The following ULK4 variants were observed in gnomAD, a reference collection of about 807,000 sequenced individuals.
ULK4 encodes the protein inactive serine/threonine-protein kinase ULK4.
ULK4 carries 133 observed loss-of-function variants against 160.6 expected under a neutral mutation model. The ratio of observed to expected loss-of-function variants is 0.83; its 90% confidence interval spans 0.72 to 0.96. The LOEUF is 0.96. Among genes scored for constraint, ULK4 ranks in the 40% least tolerant of loss-of-function variants. ULK4 has a pLI of 0.00. For synonymous variants in ULK4, 534 were observed against 539.8 expected (o/e 0.99, Z 0.15); for missense variants, 1,580 against 1,499.5 (o/e 1.05, Z -0.89).
intron 27 of ULK4, among the ~76,000 whole-genome samples, chr3:41,689,464 T>A (rs1016275232): frequency 6.6e-6 from 1 of 152,182 alleles, no homozygotes; most frequent in Non-Finnish European, 1.5e-5. Flanking sequence ...TTAACTTTTC[T>A]CTGCACAGCA....
intron 22 of ULK4, among the ~76,000 whole-genome samples, chr3:41,722,406 A>T (rs1047110039): frequency 3.9e-5 from 6 of 152,190 alleles, no homozygotes; most frequent in African/African-American, 1.4e-4. Flanking sequence ...TGGCGGGTGG[A>T]TCACCTGAGG....
At chr3:41,357,404 T>C (rs1222648967) in intron 35 of ULK4, among the ~76,000 whole-genome samples, 1 of 151,914 alleles carries the variant, frequency 6.6e-6, no homozygotes, top group Non-Finnish European at 1.5e-5. Context: ...GCGTGTGGGG[T>C]AGAACGCTCT....
chr3:41,881,497 TAC>T (rs1559626390), intron 17 of ULK4, among the ~76,000 whole-genome samples: 3 of 152,144 alleles, frequency 2.0e-5, no homozygotes, highest in African/African-American at 4.8e-5. Flanking sequence ...CAAAAGTAAT[TAC>T]AGTTTTTGCC....
chr3:41,627,482 TC>T (rs1398207306), intron 30 of ULK4, among the ~76,000 whole-genome samples: 2 of 152,224 alleles, frequency 1.3e-5, no homozygotes, highest in African/African-American at 4.8e-5. Context: ...TGAGCCCCCA[TC>T]CGGCAAGGAC....
intron 31 of ULK4, among the ~76,000 whole-genome samples, chr3:41,607,987 A>G (rs1321473842): frequency 6.6e-6 from 1 of 152,222 alleles, no homozygotes; most frequent in Non-Finnish European, 1.5e-5. Context: ...ATGAGAGACC[A>G]CCACATGCTA....
In ULK4 at chr3:41,623,435, T is replaced by C. The variant is rs567041772; in HGVS notation, c.3072-7718A>G. ...GTGATTACTATTCATTGCAGCATTA[T>C]CCATAATAGACAAGATACGGAAACA... is the stretch of plus-strand genomic sequence containing the variant. On this transcript the variant is annotated intron_variant, in intron 30 of 36. Coordinates refer to ENST00000301831, the MANE Select transcript of ULK4 (RefSeq NM_017886.4). Among the ~76,000 whole-genome samples, 12 of 152,240 alleles carry C rather than the reference T, an allele frequency of 7.9e-5. No homozygotes were observed. The South Asian group carries it at 2.3e-3, about 29-fold the overall frequency.
chr3:41,824,730 C>T (rs2041282624), intron 18 of ULK4, among the ~76,000 whole-genome samples: 1 of 152,180 alleles, frequency 6.6e-6, no homozygotes, highest in South Asian at 2.1e-4. Flanking sequence ...GTAGACTCCA[C>T]CTCTGGGGGC....
intron 17 of ULK4, among the ~76,000 whole-genome samples, chr3:41,863,918 G>A (rs1249508442): frequency 6.6e-6 from 1 of 151,844 alleles, no homozygotes; most frequent in Non-Finnish European, 1.5e-5. Context: ...GGTTGGGGGA[G>A]GAATGAAGCC....
intron 34 of ULK4, among the ~76,000 whole-genome samples, chr3:41,424,481 C>A (rs949808392): frequency 6.6e-6 from 1 of 152,168 alleles, no homozygotes; most frequent in Admixed American, 6.5e-5. Flanking sequence ...GAGCCCCCAA[C>A]AGAGGTTGCC....
At chr3:41,504,854 T>A (rs1337263290) in intron 32 of ULK4, among the ~76,000 whole-genome samples, 1 of 152,220 alleles carries the variant, frequency 6.6e-6, no homozygotes. Flanking sequence ...ACTAGAGTTG[T>A]TGCTTTTTAT....
Position 41,614,150 on chromosome 3 carries a change from G to GT in ULK4, c.3120+1518dup, listed in dbSNP as rs533259217. ...CCTTGAGATGATTGCCGAAGATAAG[G>GT]TAAGAACTTTCTGTCAGCCACAAAA... On this transcript the variant is annotated intron_variant, in intron 31 of 36. Transcript: ENST00000301831. 1.7e-3 allele frequency among the ~76,000 whole-genome samples: 262 copies of GT among 152,318 alleles called. 2 individuals carry two copies. Among genetic ancestry groups the GT allele is most frequent in the Non-Finnish European group, 2.9e-3 (197 of 68,028 alleles).
rs533000399 is a variant in ULK4, at chr3:41,573,253, T to G, written c.3121-7123A>C. On this transcript the variant is annotated intron_variant, in intron 31 of 36. Transcript: ENST00000301831. The stretch of plus-strand genomic sequence containing the variant: ...CAGGAGAGCACTGGACCCTGAAGAA[T>G]CAGCCTTCTCAAAACTAATTGCTTC... Among the ~76,000 whole-genome samples, 2 of 152,340 alleles carry G rather than the reference T, an allele frequency of 1.3e-5. 1 individual carries two copies. The highest frequency in any genetic ancestry group is 4.8e-5 in the African/African-American group (2 of 41,586).
At chr3:41,290,539 A>G (rs891528910) in intron 35 of ULK4, among the ~76,000 whole-genome samples, 4 of 152,040 alleles carry the variant, frequency 2.6e-5, no homozygotes, top group African/African-American at 9.7e-5. Context: ...CCACCCCTCA[A>G]TGATCCCTTT....
chr3:41,394,832 T>A (rs997868303), intron 35 of ULK4, among the ~76,000 whole-genome samples: 2 of 152,012 alleles, frequency 1.3e-5, no homozygotes, highest in Non-Finnish European at 2.9e-5. Flanking sequence ...TGACCCAGGG[T>A]AAACTAGAAA....
chr3:41,868,229 A>G (rs540746321), intron 17 of ULK4, among the ~76,000 whole-genome samples: 1 of 152,266 alleles, frequency 6.6e-6, no homozygotes, highest in Admixed American at 6.5e-5. Flanking sequence ...AAATTCTTTT[A>G]GTTCTGTCAA....
chr3:41,415,257 A>G (rs2029254), intron 34 of ULK4, among the ~76,000 whole-genome samples: 86,801 of 152,048 alleles, frequency 0.57, 26,330 homozygotes, highest in African/African-American at 0.8. Flanking sequence ...TGAGTTCTGT[A>G]GAAAAGCTCT....
chr3:41,264,534 T>A (rs1446073122), intron 35 of ULK4, among the ~76,000 whole-genome samples: 4 of 152,066 alleles, frequency 2.6e-5, no homozygotes, highest in Non-Finnish European at 5.9e-5. Context: ...GCTGAAATAG[T>A]CCCATTCTGA....
chr3:41,615,852 CTTT>C (rs2032936748), intron 30 of ULK4, 135 bp from the exon 31 acceptor site: 2 of 790,066 alleles, frequency 2.5e-6, no homozygotes, highest in Admixed American at 2.9e-5. Flanking sequence ...ATTAAACATT[CTTT>C]TTAAGACACT....
intron 17 of ULK4, among the ~76,000 whole-genome samples, chr3:41,849,151 G>C (rs1310100243): frequency 6.6e-6 from 1 of 152,188 alleles, no homozygotes; most frequent in Admixed American, 6.5e-5. Flanking sequence ...GATGGTTTTT[G>C]TTACCGTAAC....
Sources: gnomAD v4.1 joint callset for allele counts (sites outside exome capture counted in the v4.1 genomes callset) on GRCh38, gnomAD v4.1.1 for gene constraint, MANE v1.5 for transcripts, NCBI Gene and HGNC (gene_info 2026-07-23, HGNC 2026-07-21) for gene names.